CDCA2: variants seen among roughly 807,000 people sequenced by gnomAD.
CDCA2 encodes cell division cycle-associated protein 2.
CDCA2 carries 44 observed loss-of-function variants against 67.0 expected under a neutral mutation model. That is an observed-to-expected ratio of 0.66 (90% CI 0.52 to 0.84). The LOEUF (loss-of-function observed/expected upper bound fraction) is 0.84, where lower values mean the gene tolerates loss of function less well. Among genes scored for constraint, CDCA2 ranks in the 40% least tolerant of loss-of-function variants. The pLI is 0.00. For missense variants in CDCA2, 1,253 were observed against 1,203.2 expected, an observed-to-expected ratio of 1.04 and a Z score of -0.61; for synonymous variants, 447 against 418.7, an observed-to-expected ratio of 1.07 and a Z score of -0.82.
At chr8:25,461,802 A>G (rs1335295946) in intron 3 of CDCA2, among the ~76,000 whole-genome samples, 2 of 152,218 alleles carry the variant, frequency 1.3e-5, no homozygotes, top group African/African-American at 4.8e-5. Flanking sequence ...GTGTTCATGT[A>G]TTTATTCAAC....
intron 3 of CDCA2, 48 bp downstream of exon 3, chr8:25,460,602 A>C (rs1253983886): frequency 6.4e-7 from 1 of 1,554,042 alleles, no homozygotes; most frequent in Non-Finnish European, 8.7e-7. Context: ...GTTTAAAAAT[A>C]ACTTTAATAT....
Position 25,488,543 on chromosome 8 carries a change from T to A in CDCA2, c.1534-9T>A. On this transcript the variant is annotated splice_polypyrimidine_tract_variant and intron_variant, in intron 12 of 14. Transcript: ENST00000330560. Reference sequence around the variant, plus strand: ...CTTTACGGTATCCTACTTTACACTTTCTTTATAGCAATTGGTCAGTGTTGT... The same window carrying A: ...CTTTACGGTATCCTACTTTACACTTACTTTATAGCAATTGGTCAGTGTTGT... 6.3e-7 allele frequency: 1 copy of A among 1,594,682 alleles called. No individual in the cohort carries two copies. Among genetic ancestry groups the A allele is most frequent in the Non-Finnish European group, 8.5e-7 (1 of 1,173,036 alleles).
Position 25,483,964 on chromosome 8 carries a change from A to G in CDCA2, c.1121-2A>G. 4 of 1,611,102 alleles carry G rather than the reference A, an allele frequency of 2.5e-6. No homozygotes were observed. The highest frequency in any genetic ancestry group is 3.4e-6 in the Non-Finnish European group (4 of 1,177,786). On this transcript the variant is annotated splice_acceptor_variant, in intron 9 of 14. Transcript: ENST00000330560. LOFTEE classifies it high-confidence loss of function. ...TTACTCTCATTTATTGTCTAATTAT[A>G]GAAGATGAAGAAAATTTTGAAGCAC... is the stretch of plus-strand genomic sequence containing the variant.
intron 8 of CDCA2, 86 bp downstream of exon 8, chr8:25,480,210 G>A: frequency 9.0e-7 from 1 of 1,112,462 alleles, no homozygotes; most frequent in South Asian, 1.6e-5. Context: ...CATATATCAT[G>A]CTAGTTTAAA....
chr8:25,502,102 G>A (rs775122325), intron 13 of CDCA2, among the ~76,000 whole-genome samples: 1 of 151,894 alleles, frequency 6.6e-6, no homozygotes, highest in Non-Finnish European at 1.5e-5. Context: ...TCACCATGTT[G>A]GCCAGGATGG....
intron 4 of CDCA2, among the ~76,000 whole-genome samples, chr8:25,462,458 C>T (rs746495972): frequency 3.2e-5 from 4 of 125,124 alleles, no homozygotes; most frequent in Admixed American, 8.1e-5. Flanking sequence ...GAAACCCCAT[C>T]TCTACTAAAA....
rs768246003 is a variant in CDCA2, at chr8:25,490,267, C to T, written c.1671+1578C>T. On this transcript the variant is annotated intron_variant, in intron 13 of 14. Coordinates refer to ENST00000330560, the MANE Select transcript of CDCA2 (RefSeq NM_152562.4). The stretch of plus-strand genomic sequence containing the variant: ...ATATACACCTATTCATATAAAATTA[C>T]GGCCAGAAAGTACAAAAAGGATTGA... 3.9e-5 allele frequency among the ~76,000 whole-genome samples: 6 copies of T among 151,948 alleles called. No homozygotes were observed. The South Asian group carries it at 8.3e-4, about 21-fold the overall frequency.
chr8:25,486,939 G>A (rs1267430649), intron 11 of CDCA2, among the ~76,000 whole-genome samples: 2 of 152,130 alleles, frequency 1.3e-5, no homozygotes, highest in Non-Finnish European at 2.9e-5. Context: ...ATGTATCGTG[G>A]AATAAATGGG....
intron 5 of CDCA2, among the ~76,000 whole-genome samples, chr8:25,467,779 C>A (rs1003704214): frequency 3.3e-5 from 5 of 151,820 alleles, no homozygotes; most frequent in Admixed American, 2.0e-4. Flanking sequence ...GTAGATTTTT[C>A]TTTTCATTGA....
intron 13 of CDCA2, 26 bp from the exon 14 acceptor site, chr8:25,503,347 T>C: frequency 6.4e-7 from 1 of 1,558,324 alleles, no homozygotes; most frequent in East Asian, 2.2e-5. Flanking sequence ...CTTTCTCAAT[T>C]GCAATGTTTT....
intron 7 of CDCA2, among the ~76,000 whole-genome samples, chr8:25,478,679 T>C (rs1803442037): frequency 1.3e-5 from 2 of 152,114 alleles, no homozygotes; most frequent in African/African-American, 4.8e-5. Context: ...GCCAGGTACA[T>C]CTTTACCTCA....
chr8:25,503,046 C>G (rs1804535004), intron 13 of CDCA2, among the ~76,000 whole-genome samples: 1 of 152,156 alleles, frequency 6.6e-6, no homozygotes, highest in Non-Finnish European at 1.5e-5. Context: ...CTTTGGGAGG[C>G]CAAGGCAGGA....
intron 4 of CDCA2, among the ~76,000 whole-genome samples, chr8:25,465,485 C>G (rs947801240): frequency 6.6e-6 from 1 of 152,114 alleles, no homozygotes; most frequent in Non-Finnish European, 1.5e-5. Context: ...ACTGGCACTT[C>G]TATCCCTGCT....
chr8:25,476,643 C>T (rs1701195407), intron 7 of CDCA2, among the ~76,000 whole-genome samples: 1 of 151,840 alleles, frequency 6.6e-6, no homozygotes, highest in Admixed American at 6.6e-5. Context: ...ACCTCTGCCT[C>T]CTGGGTTCAG....
intron 1 of CDCA2, 76 bp from the exon 2 acceptor site, chr8:25,460,164 C>A: frequency 7.1e-7 from 1 of 1,412,878 alleles, no homozygotes; most frequent in South Asian, 1.1e-5. Context: ...CAATTCAGTC[C>A]TGAATAAGGT....
chr8:25,461,550 G>A (rs1015394720), intron 3 of CDCA2, among the ~76,000 whole-genome samples: 1 of 152,136 alleles, frequency 6.6e-6, no homozygotes, highest in Non-Finnish European at 1.5e-5. Flanking sequence ...CCTTTAAAAG[G>A]CTGGATTCAT....
chr8:25,494,110 G>GGGGACACA (rs1161047103), intron 13 of CDCA2, among the ~76,000 whole-genome samples: 8 of 152,118 alleles, frequency 5.3e-5, no homozygotes, highest in African/African-American at 1.7e-4. Flanking sequence ...GTGATGCCAA[G>GGGGACACA]GGGACACAGA....
At position 25,478,888 on chromosome 8, in the gene CDCA2, G is replaced by GTA. The variant is rs71511103; in HGVS notation, c.821-1001_821-1000dup. 1.0e-3 allele frequency among the ~76,000 whole-genome samples: 115 copies of GTA among 111,602 alleles called. 1 individual carries two copies. Among genetic ancestry groups the GTA allele is most frequent in the African/African-American group, 4.6e-3 (115 of 25,184 alleles). The allele number at this position is 111,602 out of a possible 152,430, so 73.2% of individuals were successfully genotyped here. On this transcript the variant is annotated intron_variant, in intron 7 of 14. Transcript: ENST00000330560. ...TATATTAACTACTTGTTGTGTGTGT[G>GTA]TATATATATATATATATATATATAT... is the stretch of plus-strand genomic sequence containing the variant.
Position 25,486,543 on chromosome 8 carries a change from C to T in CDCA2, c.1445-703C>T, listed in dbSNP as rs143777350. Reference sequence around the variant, plus strand: ...GTCTGCCAGGTGCGGTGGCTCATGCCTGTAATCCCTTTACTTTGGGAGGCT... The same window carrying T: ...GTCTGCCAGGTGCGGTGGCTCATGCTTGTAATCCCTTTACTTTGGGAGGCT... On this transcript the variant is annotated intron_variant, in intron 11 of 14. Coordinates refer to ENST00000330560, the MANE Select transcript of CDCA2 (RefSeq NM_152562.4). Among the ~76,000 whole-genome samples, 17 of 152,102 alleles carry T rather than the reference C, an allele frequency of 1.1e-4. No individual in the cohort carries two copies. The East Asian group carries it at 3.1e-3, about 28-fold the overall frequency.
Sources: gnomAD v4.1 joint callset for allele counts (sites outside exome capture counted in the v4.1 genomes callset) on GRCh38, gnomAD v4.1.1 for gene constraint, MANE v1.5 for transcripts, NCBI Gene and HGNC (gene_info 2026-07-23, HGNC 2026-07-21) for gene names.